CTNNA2: variants seen among roughly 807,000 people sequenced by gnomAD.
CTNNA2 encodes catenin alpha-2.
In CTNNA2, 42 loss-of-function variants were observed where a neutral mutation model predicts 101.0. The observed-to-expected ratio is 0.42, with a 90% CI of 0.32 to 0.54. CTNNA2 has a LOEUF of 0.54. CTNNA2 is among the 20% of genes least tolerant of loss of function. The pLI, the probability that CTNNA2 is intolerant of heterozygous loss-of-function variation, is 0.14. For missense variants in CTNNA2, 871 were observed against 1,223.1 expected (o/e 0.71, Z 4.29); for synonymous variants, 450 against 456.4 (o/e 0.99, Z 0.18).
intron 7 of CTNNA2, among the ~76,000 whole-genome samples, chr2:80,316,666 G>C (rs1678157102): frequency 1.3e-5 from 2 of 152,254 alleles, no homozygotes; most frequent in Admixed American, 1.3e-4. Flanking sequence ...TGTGATGTTT[G>C]CTTGCCATAT....
Position 79,874,208 on chromosome 2 carries a change from C to T in CTNNA2, c.718C>T (p.Arg240Ter), listed in dbSNP as rs900008840. The change falls in exon 6 of 19, where the codon CGA becomes TGA. Residue 240 changes from arginine (R) to a stop codon, truncating the protein, a stop_gained. Transcript: ENST00000402739. LOFTEE classifies it high-confidence loss of function. ...AGATGTCGCCGCTACGAGAGCCAAC[C>T]GAGATTATGTGTTCAAACAAGTCCA... ...HPDVAATRANRDYVFKQVQEA... is the reference protein window; with the variant it reads ...HPDVAATRAN The T allele has an allele frequency of 1.2e-6, 2 of 1,614,116 alleles. No individual in the cohort carries two copies. The highest frequency in any genetic ancestry group is 8.5e-7 in the Non-Finnish European group (1 of 1,180,038).
intron 2 of CTNNA2, among the ~76,000 whole-genome samples, chr2:79,303,063 T>C (rs1294999477): frequency 6.6e-6 from 1 of 152,200 alleles, no homozygotes; most frequent in Non-Finnish European, 1.5e-5. Context: ...GCTATGCTGA[T>C]TTTTGACTGC....
chr2:79,402,663 T>G (rs927747499), intron 4 of CTNNA2, among the ~76,000 whole-genome samples: 1 of 151,842 alleles, frequency 6.6e-6, no homozygotes, highest in Non-Finnish European at 1.5e-5. Flanking sequence ...AGAGTGAAAC[T>G]GTGGGTAGGC....
chr2:79,677,817 T>TA (rs1558829255), intron 2 of CTNNA2, among the ~76,000 whole-genome samples: 1 of 152,114 alleles, frequency 6.6e-6, no homozygotes, highest in African/African-American at 2.4e-5. Flanking sequence ...CAATAATTTG[T>TA]AAAAAATAAA....
At chr2:79,374,808 G>A (rs1159183319) in intron 4 of CTNNA2, among the ~76,000 whole-genome samples, 1 of 152,130 alleles carries the variant, frequency 6.6e-6, no homozygotes, top group Middle Eastern at 3.4e-3. Flanking sequence ...TTCCCATTAG[G>A]CATATTTGGA....
chr2:79,308,745 T>C (rs1343136444), intron 2 of CTNNA2, among the ~76,000 whole-genome samples: 1 of 151,866 alleles, frequency 6.6e-6, no homozygotes, highest in Non-Finnish European at 1.5e-5. Flanking sequence ...CCACCTAATT[T>C]TGACATTTTC....
chr2:80,101,276 C>T (rs1700524711), intron 7 of CTNNA2, among the ~76,000 whole-genome samples: 1 of 152,074 alleles, frequency 6.6e-6, no homozygotes, highest in Non-Finnish European at 1.5e-5. Context: ...TTCTAAAATG[C>T]TTTGTGATTG....
chr2:80,643,229 G>A (rs1449894409), intron 18 of CTNNA2, among the ~76,000 whole-genome samples: 1 of 152,118 alleles, frequency 6.6e-6, no homozygotes, highest in African/African-American at 2.4e-5. Context: ...TGCTCTGGAT[G>A]GCTCTGGGAA....
At chr2:80,352,054 G>A (rs1388655998) in intron 7 of CTNNA2, among the ~76,000 whole-genome samples, 1 of 152,070 alleles carries the variant, frequency 6.6e-6, no homozygotes, top group Non-Finnish European at 1.5e-5. Context: ...TTCCCAGAGT[G>A]GAACCCTCAT....
At chr2:79,576,781 GT>G (rs1675827738) in intron 1 of CTNNA2, among the ~76,000 whole-genome samples, 2 of 152,172 alleles carry the variant, frequency 1.3e-5, no homozygotes, top group South Asian at 4.1e-4. Flanking sequence ...CATTTACAAT[GT>G]ATTTTAAAAT....
At chr2:80,108,541 C>T (rs1208896035) in intron 7 of CTNNA2, among the ~76,000 whole-genome samples, 1 of 152,204 alleles carries the variant, frequency 6.6e-6, no homozygotes, top group Non-Finnish European at 1.5e-5. Context: ...CATTCAGGAT[C>T]CTTCTCAACC....
At chr2:80,600,637 T>A (rs74838871) in intron 15 of CTNNA2, among the ~76,000 whole-genome samples, 3 of 152,162 alleles carry the variant, frequency 2.0e-5, no homozygotes, top group Non-Finnish European at 4.4e-5. Context: ...ATTATTTTTT[T>A]AATAACCATC....
At chr2:80,237,182 T>C (rs1709592527) in intron 7 of CTNNA2, among the ~76,000 whole-genome samples, 1 of 152,146 alleles carries the variant, frequency 6.6e-6, no homozygotes, top group African/African-American at 2.4e-5. Flanking sequence ...GAATATTCTA[T>C]ATGATTGAGT....
At chr2:80,348,974 C>T (rs959309162) in intron 7 of CTNNA2, among the ~76,000 whole-genome samples, 4 of 152,096 alleles carry the variant, frequency 2.6e-5, no homozygotes, top group African/African-American at 9.7e-5. Context: ...ATCAGAAATA[C>T]TAAAAGGTTA....
At chr2:79,231,141 A>T (rs572428392) in intron 2 of CTNNA2, among the ~76,000 whole-genome samples, 34 of 152,230 alleles carry the variant, frequency 2.2e-4, no homozygotes, top group African/African-American at 8.2e-4. Flanking sequence ...AAATGTGAGG[A>T]CATGAGATTT....
At position 79,804,854 on chromosome 2, in the gene CTNNA2, T is replaced by C. The variant is rs188495264; in HGVS notation, c.299-53159T>C. The stretch of plus-strand genomic sequence containing the variant: ...CAGTTTTAAAACCGATTTAAGAAAA[T>C]GTTTTGAACATTTTAAAAGTCTCAG... On this transcript the variant is annotated intron_variant, in intron 3 of 18. Coordinates refer to ENST00000402739, the MANE Select transcript of CTNNA2 (RefSeq NM_001282597.3). 3.9e-5 allele frequency among the ~76,000 whole-genome samples: 6 copies of C among 152,254 alleles called. No individual in the cohort carries two copies. In the East Asian group the frequency reaches 1.2e-3, roughly 29 times the overall value.
At chr2:79,982,332 T>C (rs1421956830) in intron 7 of CTNNA2, among the ~76,000 whole-genome samples, 12 of 128,978 alleles carry the variant, frequency 9.3e-5, no homozygotes, top group East Asian at 2.3e-4. Context: ...ATAACACACA[T>C]ATAAAACATA....
intron 2 of CTNNA2, among the ~76,000 whole-genome samples, chr2:79,242,525 C>T (rs1458015783): frequency 2.0e-5 from 3 of 152,252 alleles, no homozygotes; most frequent in African/African-American, 7.2e-5. Flanking sequence ...TCTGACACTT[C>T]TCTCAACACT....
chr2:79,304,612 T>G (rs1573056797), intron 2 of CTNNA2, among the ~76,000 whole-genome samples: 1 of 152,134 alleles, frequency 6.6e-6, no homozygotes, highest in Non-Finnish European at 1.5e-5. Context: ...AGGGAAAAGA[T>G]CTCCCTCAAT....
Sources: allele counts gnomAD v4.1 joint callset (sites outside exome capture counted in the v4.1 genomes callset), GRCh38; gene constraint gnomAD v4.1.1; transcripts MANE v1.5; gene names NCBI Gene and HGNC (gene_info 2026-07-23, HGNC 2026-07-21).